The following PRKG1 variants were observed in gnomAD, a reference collection of about 807,000 sequenced individuals.
PRKG1 encodes the protein cGMP-dependent protein kinase 1.
Under a neutral mutation model 88.1 loss-of-function variants are expected in PRKG1, and 35 were observed. The ratio of observed to expected loss-of-function variants is 0.40; its 90% CI spans 0.30 to 0.53. The LOEUF is 0.53. Among genes scored for constraint, PRKG1 ranks in the 20% least tolerant of loss-of-function variants. The pLI is 0.59. For synonymous variants in PRKG1, 303 were observed against 292.5 expected (o/e 1.04, Z -0.37); for missense variants, 540 against 839.8 (o/e 0.64, Z 4.41).
chr10:51,804,609 C>A lies in PRKG1; in HGVS notation c.617C>A (p.Ala206Asp). Residue 206 changes from alanine (A) to aspartate (D), a missense_variant, in exon 4 of 18, where the codon GCC becomes GAC. Physicochemically the swap from Ala to Asp is moderately radical, Grantham distance 126. Around this residue, in one of 5 missense-constraint regions of PRKG1, gnomAD observed 400 missense variants for 562.7 expected, o/e 0.71. Transcript: ENST00000373980. ...GCTCTTGTAAATGTAAAACTCTGGG[C>A]CATTGATCGACAATGTTTTCAAACA... ...VKTLVNVKLWAIDRQCFQTIM... is the reference protein window; with the variant it reads ...VKTLVNVKLWDIDRQCFQTIM... 1 of 1,599,212 alleles carries A rather than the reference C, an allele frequency of 6.3e-7. No homozygotes were observed. The highest frequency in any genetic ancestry group is 8.6e-7 in the Non-Finnish European group (1 of 1,167,258).
At chr10:51,749,643 G>C (rs1206499304) in intron 3 of PRKG1, among the ~76,000 whole-genome samples, 1 of 152,128 alleles carries the variant, frequency 6.6e-6, no homozygotes, top group Non-Finnish European at 1.5e-5. Context: ...CAAGTTCTTT[G>C]CTATGTAAGA....
chr10:51,358,985 C>T (rs992571201), intron 2 of PRKG1, among the ~76,000 whole-genome samples: 1 of 149,206 alleles, frequency 6.7e-6, no homozygotes, highest in African/African-American at 2.5e-5. Context: ...GAAGGTGTGA[C>T]TTAAGTTTTA....
chr10:51,845,642 A>G (rs1840378126), intron 4 of PRKG1, among the ~76,000 whole-genome samples: 1 of 152,124 alleles, frequency 6.6e-6, no homozygotes, highest in African/African-American at 2.4e-5. Context: ...TAACATCTCC[A>G]GACTTTTTTT....
chr10:51,356,060 C>T (rs1842359645), intron 2 of PRKG1, among the ~76,000 whole-genome samples: 1 of 151,972 alleles, frequency 6.6e-6, no homozygotes, highest in African/African-American at 2.4e-5. Context: ...CATTTTTCCT[C>T]CCATCATAGA....
chr10:51,818,620 A>G (rs1589316637), intron 4 of PRKG1, among the ~76,000 whole-genome samples: 1 of 152,242 alleles, frequency 6.6e-6, no homozygotes, highest in East Asian at 1.9e-4. Flanking sequence ...TAATCCCCAG[A>G]TGTTTGCTTT....
chr10:51,015,136 G>GA, intron 1 of PRKG1, among the ~76,000 whole-genome samples: 1 of 152,254 alleles, frequency 6.6e-6, no homozygotes, highest in South Asian at 2.1e-4. Flanking sequence ...TTTTAAATGA[G>GA]AAAATACTTT....
intron 9 of PRKG1, among the ~76,000 whole-genome samples, chr10:52,221,865 T>TA (rs1416689888): frequency 1.3e-5 from 2 of 152,204 alleles, no homozygotes; most frequent in African/African-American, 2.4e-5. Context: ...TAGCAAACAC[T>TA]AAAAATTAAG....
At chr10:51,807,133 A>T (rs1839328166) in intron 4 of PRKG1, among the ~76,000 whole-genome samples, 1 of 152,204 alleles carries the variant, frequency 6.6e-6, no homozygotes, top group African/African-American at 2.4e-5. Context: ...ATATCTTTGT[A>T]TGCTTCTTTG....
intron 3 of PRKG1, among the ~76,000 whole-genome samples, chr10:51,776,452 A>G (rs1396018186): frequency 1.3e-5 from 2 of 152,196 alleles, no homozygotes; most frequent in African/African-American, 4.8e-5. Flanking sequence ...ATACATTTTA[A>G]GACCCAGTAT....
At chr10:51,438,204 A>G (rs1838994981) in intron 2 of PRKG1, among the ~76,000 whole-genome samples, 2 of 151,752 alleles carry the variant, frequency 1.3e-5, no homozygotes, top group Admixed American at 6.6e-5. Flanking sequence ...CTTACCAAAA[A>G]AAAAATGTGA....
chr10:51,657,384 G>C (rs1840187707), intron 3 of PRKG1, among the ~76,000 whole-genome samples: 1 of 152,114 alleles, frequency 6.6e-6, no homozygotes, highest in Non-Finnish European at 1.5e-5. Context: ...AGTAAGCATG[G>C]ATACAGAAAT....
intron 10 of PRKG1, among the ~76,000 whole-genome samples, chr10:52,270,090 C>A (rs909840481): frequency 2.0e-5 from 3 of 152,002 alleles, no homozygotes; most frequent in Non-Finnish European, 4.4e-5. Context: ...TCTCTTTAAA[C>A]TGTAGGGAGG....
At chr10:52,002,723 C>T (rs912185056) in intron 5 of PRKG1, among the ~76,000 whole-genome samples, 1 of 152,102 alleles carries the variant, frequency 6.6e-6, no homozygotes, top group African/African-American at 2.4e-5. Context: ...TATAATACAT[C>T]AAGATATAAA....
At chr10:51,061,663 G>T (rs1029250827) in intron 1 of PRKG1, among the ~76,000 whole-genome samples, 2 of 152,012 alleles carry the variant, frequency 1.3e-5, no homozygotes, top group African/African-American at 4.8e-5. Flanking sequence ...TATGTTTTAA[G>T]ATTCCTTTTC....
chr10:51,125,774 A>G (rs1051535382), intron 1 of PRKG1, among the ~76,000 whole-genome samples: 1 of 145,050 alleles, frequency 6.9e-6, no homozygotes, highest in African/African-American at 2.5e-5. Context: ...TATATTTTTA[A>G]TTTAATTATA....
rs192846913 is a variant in PRKG1 at position 52,209,381 on chromosome 10, A to G, written c.1077-42189A>G. On this transcript the variant is annotated intron_variant, in intron 9 of 17. Transcript: ENST00000373980. ...TTATTTCCAACCATTTAAAAATGTC[A>G]TAATCATTCTTAGCAAACTGGCCAC... 1.5e-3 allele frequency among the ~76,000 whole-genome samples: 232 copies of G among 152,332 alleles called. 1 individual carries two copies. Among genetic ancestry groups the G allele is most frequent in the African/African-American group, 5.5e-3 (227 of 41,568 alleles).
intron 5 of PRKG1, among the ~76,000 whole-genome samples, chr10:52,014,250 G>A (rs1589518505): frequency 6.6e-6 from 1 of 152,090 alleles, no homozygotes; most frequent in Non-Finnish European, 1.5e-5. Flanking sequence ...CATATGGCTA[G>A]GGAGGCCTCA....
At chr10:52,114,938 A>G (rs1847652277) in intron 7 of PRKG1, among the ~76,000 whole-genome samples, 2 of 152,228 alleles carry the variant, frequency 1.3e-5, no homozygotes, top group South Asian at 4.2e-4. Context: ...CAGAACATAA[A>G]AGGTAATGAA....
intron 1 of PRKG1, among the ~76,000 whole-genome samples, chr10:51,137,102 G>A (rs1052619130): frequency 2.0e-5 from 3 of 151,998 alleles, no homozygotes; most frequent in Non-Finnish European, 4.4e-5. Flanking sequence ...AACCAGAATG[G>A]TCTTGATCTC....
Sources: allele counts gnomAD v4.1 joint callset (sites outside exome capture counted in the v4.1 genomes callset), GRCh38; gene constraint gnomAD v4.1.1; regional missense constraint gnomAD v4.1.1; transcripts MANE v1.5; gene names NCBI Gene and HGNC (gene_info 2026-07-23, HGNC 2026-07-21).